Variants in PCCA observed in about 807,000 individuals in gnomAD.
PCCA encodes the protein propionyl-CoA carboxylase subunit alpha, also known as propionyl-CoA carboxylase alpha chain, mitochondrial.
A neutral mutation model predicts 101.3 loss-of-function variants in PCCA; 74 were observed. The observed-to-expected ratio is 0.73, with a 90% CI of 0.61 to 0.89. PCCA has a LOEUF of 0.89. Ranked by LOEUF, PCCA falls within the 40% of genes least tolerant of loss-of-function variation. The probability of loss-of-function intolerance (pLI) is 0.00; values close to 1 mark genes in which losing one functional copy is unlikely to be tolerated. For missense variants in PCCA, 891 were observed against 907.0 expected (o/e 0.98, Z 0.23); for synonymous variants, 294 against 313.6 (o/e 0.94, Z 0.66).
At chr13:100,326,050 G>A (rs938814089) in intron 16 of PCCA, among the ~76,000 whole-genome samples, 1 of 152,192 alleles carries the variant, frequency 6.6e-6, no homozygotes, top group Non-Finnish European at 1.5e-5. Context: ...AGTCTGGAAA[G>A]ATTACACCAC....
chr13:100,163,156 G>A (rs899399886), intron 6 of PCCA, among the ~76,000 whole-genome samples: 3 of 152,148 alleles, frequency 2.0e-5, no homozygotes, highest in African/African-American at 4.8e-5. Context: ...GGGCTTGTGG[G>A]ATTTTGGGGA....
intron 19 of PCCA, among the ~76,000 whole-genome samples, chr13:100,405,810 T>C (rs2077640308): frequency 6.8e-6 from 1 of 147,358 alleles, no homozygotes; most frequent in Non-Finnish European, 1.5e-5. Context: ...CTTGCTCTGT[T>C]GCCAGGCAGG....
At chr13:100,247,257 G>A (rs1363935534) in intron 8 of PCCA, among the ~76,000 whole-genome samples, 13 of 132,670 alleles carry the variant, frequency 9.8e-5, no homozygotes, top group East Asian at 6.7e-4. Context: ...TCACTCTGTC[G>A]CCCAGACGGG....
At chr13:100,099,250 G>GGAT (rs1230126767) in intron 1 of PCCA, among the ~76,000 whole-genome samples, 1 of 151,902 alleles carries the variant, frequency 6.6e-6, no homozygotes, top group East Asian at 1.9e-4. Flanking sequence ...ATTTGCCAGT[G>GGAT]GATTTACCAG....
rs1381458653 is a variant in PCCA, at chr13:100,515,576, T to C, written c.2040+9T>C. 13 of 1,613,070 alleles carry C rather than the reference T, an allele frequency of 8.1e-6. No individual in the cohort carries two copies. The highest frequency in any genetic ancestry group is 1.1e-5 in the Non-Finnish European group (13 of 1,179,892). On this transcript the variant is annotated intron_variant, in intron 22 of 23. Transcript: ENST00000376285. ...TCAAGCCTGGAGACGCGGTAAGGGC[T>C]GTGTGTGTCTCTCTGCAGGACATGC... is the stretch of plus-strand genomic sequence containing the variant.
intron 18 of PCCA, among the ~76,000 whole-genome samples, chr13:100,347,561 T>C (rs9585407): frequency 0.2 from 30,476 of 152,182 alleles, 3,452 homozygotes; most frequent in Non-Finnish European, 0.27. Context: ...CAACATTCCT[T>C]AGAGATTGTT....
At chr13:100,154,581 C>T (rs1465810658) in intron 4 of PCCA, 5 of 287,434 alleles carry the variant, frequency 1.7e-5, no homozygotes, top group Non-Finnish European at 2.7e-5. Flanking sequence ...ATCCCAACTT[C>T]CTGGGGAGCT....
At chr13:100,179,612 C>T (rs1231525698) in intron 6 of PCCA, among the ~76,000 whole-genome samples, 1 of 152,162 alleles carries the variant, frequency 6.6e-6, no homozygotes, top group East Asian at 1.9e-4. Flanking sequence ...ACCATGCTTT[C>T]TTTATCATGT....
chr13:100,475,274 T>C (rs1365624566), intron 21 of PCCA, among the ~76,000 whole-genome samples: 1 of 152,122 alleles, frequency 6.6e-6, no homozygotes, highest in African/African-American at 2.4e-5. Flanking sequence ...TTTTAAAACA[T>C]TTTCATCACC....
At chr13:100,488,634 T>G (rs2390432) in intron 21 of PCCA, among the ~76,000 whole-genome samples, 1 of 62,838 alleles carries the variant, frequency 1.6e-5, no homozygotes, top group Non-Finnish European at 3.0e-5. Flanking sequence ...TTTTGTTTTG[T>G]TTTTTTTTTG....
chr13:100,340,182 G>T lies in PCCA; in HGVS notation c.1566G>T (p.Lys522Asn), dbSNP rs2071087775. 1 of 1,605,054 alleles carries T rather than the reference G, an allele frequency of 6.2e-7. No individual in the cohort carries two copies. Among genetic ancestry groups the T allele is most frequent in the Non-Finnish European group, 8.5e-7 (1 of 1,171,686 alleles). ...GACACATGCTAACCAAGAGTGAGAA[G>T]AACCAGTTATTGGCAATAGCATCAT... ...FKGHMLTKSE[K>N]NQLLAIASSL... The change falls in exon 18 of 24, where the codon AAG (lysine) becomes AAT (asparagine). Residue 522 changes from lysine (K) to asparagine (N), a missense_variant. Transcript: ENST00000376285.
chr13:100,213,694 A>G (rs1036973639), intron 7 of PCCA, among the ~76,000 whole-genome samples: 1 of 152,062 alleles, frequency 6.6e-6, no homozygotes, highest in Admixed American at 6.5e-5. Context: ...TTGTCTCTTG[A>G]CTGTTGATTT....
At chr13:100,112,131 G>A (rs370588389) in intron 4 of PCCA, 70 bp downstream of exon 4, 2 of 1,103,772 alleles carry the variant, frequency 1.8e-6, no homozygotes, top group South Asian at 2.6e-5. Context: ...GAGACATACA[G>A]GCTTTTTTTC....
intron 2 of PCCA, among the ~76,000 whole-genome samples, chr13:100,105,711 G>A (rs1391255366): frequency 4.0e-5 from 6 of 148,480 alleles, no homozygotes; most frequent in African/African-American, 9.9e-5. Context: ...GTGTGGTGGC[G>A]TGCACCAGTA....
At chr13:100,405,986 C>T (rs143571032) in intron 19 of PCCA, among the ~76,000 whole-genome samples, 2,153 of 152,048 alleles carry the variant, frequency 0.014, 56 homozygotes, top group African/African-American at 0.049. Flanking sequence ...AGGATGGTCT[C>T]GATCTCTTGA....
chr13:100,319,693 A>G (rs1016438098), intron 16 of PCCA, among the ~76,000 whole-genome samples: 1 of 152,148 alleles, frequency 6.6e-6, no homozygotes, highest in Admixed American at 6.5e-5. Flanking sequence ...CCATTGGTCC[A>G]TATGTCTGTT....
intron 7 of PCCA, among the ~76,000 whole-genome samples, chr13:100,232,140 C>G (rs1566759199): frequency 6.6e-6 from 1 of 152,110 alleles, no homozygotes; most frequent in Non-Finnish European, 1.5e-5. Context: ...AAGATCTGGC[C>G]AGAACAGGGC....
chr13:100,359,465 G>A (rs1235012465), intron 18 of PCCA, among the ~76,000 whole-genome samples: 2 of 152,092 alleles, frequency 1.3e-5, no homozygotes, highest in Non-Finnish European at 2.9e-5. Flanking sequence ...ACAATTGCTG[G>A]AACTAACAAA....
At chr13:100,408,658 C>G (rs991009297) in intron 19 of PCCA, among the ~76,000 whole-genome samples, 1 of 152,116 alleles carries the variant, frequency 6.6e-6, no homozygotes, top group Non-Finnish European at 1.5e-5. Flanking sequence ...GAGGGCTCAT[C>G]CCCTAAGGCA....
Sources: allele counts gnomAD v4.1 joint callset (sites outside exome capture counted in the v4.1 genomes callset), GRCh38; gene constraint gnomAD v4.1.1; transcripts MANE v1.5; gene names NCBI Gene and HGNC (gene_info 2026-07-23, HGNC 2026-07-21).